The following JMY variants were observed in gnomAD, a reference collection of about 807,000 sequenced individuals.
The protein encoded by JMY is junction mediating and regulatory protein, p53 cofactor.
Under a neutral mutation model 103.3 loss-of-function variants are expected in JMY, and 46 were observed. The observed-to-expected ratio is 0.45, with a 90% CI of 0.35 to 0.57. JMY has a LOEUF of 0.57. Among genes scored for constraint, JMY ranks in the 20% least tolerant of loss-of-function variants. JMY has a pLI of 0.00. For synonymous variants in JMY, 526 were observed against 489.3 expected (o/e 1.07, Z -0.99); for missense variants, 1,238 against 1,255.2 (o/e 0.99, Z 0.21).
intron 1 of JMY, among the ~76,000 whole-genome samples, chr5:79,243,818 A>G (rs1183340562): frequency 2.0e-5 from 3 of 152,150 alleles, no homozygotes; most frequent in African/African-American, 7.2e-5. Flanking sequence ...GCATCACTGA[A>G]AAAGATGTAA....
At chr5:79,308,691 G>GT (rs1213413582) in intron 7 of JMY, among the ~76,000 whole-genome samples, 4 of 151,454 alleles carry the variant, frequency 2.6e-5, no homozygotes, top group African/African-American at 4.8e-5. Flanking sequence ...TATCTTTTTT[G>GT]TTTTTTTCAT....
intron 1 of JMY, among the ~76,000 whole-genome samples, chr5:79,251,680 A>G (rs1477185399): frequency 1.4e-5 from 2 of 142,562 alleles, no homozygotes; most frequent in Non-Finnish European, 3.0e-5. Context: ...CTTCCTTCCT[A>G]CCCTTCCCAC....
intron 1 of JMY, among the ~76,000 whole-genome samples, chr5:79,244,527 C>T (rs1248112918): frequency 1.3e-5 from 2 of 152,128 alleles, no homozygotes; most frequent in Non-Finnish European, 2.9e-5. Flanking sequence ...TAATTTTAAT[C>T]GATCTGTTAA....
At chr5:79,318,947 G>C (rs1482594597) in intron 10 of JMY, among the ~76,000 whole-genome samples, 1 of 152,114 alleles carries the variant, frequency 6.6e-6, no homozygotes, top group Non-Finnish European at 1.5e-5. Context: ...TTCTCAGGAA[G>C]CTGCTTAAGC....
rs150941604 is a variant in JMY, at chr5:79,282,673, G to T, written c.1206+4590G>T. On this transcript the variant is annotated intron_variant, in intron 2 of 10. Transcript: ENST00000396137. The stretch of plus-strand genomic sequence containing the variant: ...TCCTGATGAAGAGATGTACAAAGAG[G>T]AATGGTTTAGTGCTTATACTTAGTG... 3.5e-4 allele frequency among the ~76,000 whole-genome samples: 54 copies of T among 152,246 alleles called. No homozygotes were observed. The East Asian group carries it at 9.7e-3, about 27-fold the overall frequency.
rs1747143170 is a variant in JMY, at chr5:79,314,458, G to T, written c.2266G>T (p.Val756Leu). Residue 756 changes from valine (V) to leucine (L), a missense_variant, in exon 9 of 11, where the codon GTG becomes TTG. Transcript: ENST00000396137. ...PSQTTEPQSLVQLEDTSLTQL... is the reference protein window; with the variant it reads ...PSQTTEPQSLLQLEDTSLTQL... Reference sequence around the variant, plus strand: ...ACAGACAACAGAACCCCAGAGCCTTGTGCAACTTGAAGATACTTCATTAAC... The same window carrying T: ...ACAGACAACAGAACCCCAGAGCCTTTTGCAACTTGAAGATACTTCATTAAC... 6.2e-7 allele frequency: 1 copy of T among 1,614,006 alleles called. No individual in the cohort carries two copies. Among genetic ancestry groups the T allele is most frequent in the Non-Finnish European group, 8.5e-7 (1 of 1,180,012 alleles).
intron 1 of JMY, among the ~76,000 whole-genome samples, chr5:79,238,914 C>A (rs954014545): frequency 6.6e-6 from 1 of 152,134 alleles, no homozygotes; most frequent in Non-Finnish European, 1.5e-5. Flanking sequence ...CCGCCCGCCT[C>A]GGCCTCCCAA....
At chr5:79,295,174 A>T (rs1746532317) in intron 4 of JMY, among the ~76,000 whole-genome samples, 1 of 152,220 alleles carries the variant, frequency 6.6e-6, no homozygotes, top group Admixed American at 6.5e-5. Context: ...AACGCCCTGT[A>T]ATCATGGAAA....
chr5:79,250,831 AAT>A (rs1360936967), intron 1 of JMY, among the ~76,000 whole-genome samples: 1 of 151,654 alleles, frequency 6.6e-6, no homozygotes, highest in Non-Finnish European at 1.5e-5. Context: ...GTTGTATTTT[AAT>A]ATCTTTCATT....
chr5:79,308,543 T>C (rs1746955215), intron 7 of JMY, among the ~76,000 whole-genome samples: 1 of 152,176 alleles, frequency 6.6e-6, no homozygotes, highest in African/African-American at 2.4e-5. Flanking sequence ...TTTTTGGGTG[T>C]CCTATTTTGT....
chr5:79,248,400 A>T (rs1298453131), intron 1 of JMY, among the ~76,000 whole-genome samples: 1 of 151,744 alleles, frequency 6.6e-6, no homozygotes, highest in Admixed American at 6.6e-5. Flanking sequence ...TCTGCCTCCC[A>T]GGTGCAAGCA....
At chr5:79,316,775 G>A (rs1442097977) in intron 10 of JMY, among the ~76,000 whole-genome samples, 2 of 151,652 alleles carry the variant, frequency 1.3e-5, no homozygotes, top group Non-Finnish European at 2.9e-5. Flanking sequence ...GCGTGGTGGC[G>A]GGCATCTGTA....
At chr5:79,297,549 A>C (rs952079112) in intron 4 of JMY, among the ~76,000 whole-genome samples, 1 of 152,130 alleles carries the variant, frequency 6.6e-6, no homozygotes, top group African/African-American at 2.4e-5. Flanking sequence ...TATACTAAGG[A>C]TTTTGCCTCC....
chr5:79,301,874 G>A (rs1746743592), intron 6 of JMY, among the ~76,000 whole-genome samples: 2 of 152,012 alleles, frequency 1.3e-5, no homozygotes, highest in African/African-American at 4.8e-5. Context: ...ATCACCTGAG[G>A]TCAGGAGTTC....
chr5:79,288,074 T>C lies in JMY; in HGVS notation c.1207-2047T>C, dbSNP rs372170531. Among the ~76,000 whole-genome samples, 20 of 152,330 alleles carry C rather than the reference T, an allele frequency of 1.3e-4. 1 individual carries two copies. Among genetic ancestry groups the C allele is most frequent in the Admixed American group, 5.9e-4 (9 of 15,302 alleles). On this transcript the variant is annotated intron_variant, in intron 2 of 10. Coordinates refer to ENST00000396137, the MANE Select transcript of JMY (RefSeq NM_152405.5). ...ATAGCAAACAACTCCACCAGAATCC[T>C]TAAATCTAAGATGAAGTCTAAATAT...
rs1277156722 is a variant in JMY, at chr5:79,322,977, G to A, written c.*1375G>A. On this transcript the variant is annotated 3_prime_UTR_variant, in exon 11 of 11. Coordinates refer to ENST00000396137, the MANE Select transcript of JMY (RefSeq NM_152405.5). ...GAATTGGTATTCCTAGAGAAAAAAA[G>A]AAATGCTCACACCTTTGTTATTTTA... is the stretch of plus-strand genomic sequence containing the variant. 1.3e-5 allele frequency: 2 copies of A among 152,154 alleles called. No individual in the cohort carries two copies. Among genetic ancestry groups the A allele is most frequent in the African/African-American group, 4.8e-5 (2 of 41,436 alleles). 9.4% of individuals were successfully genotyped at this position (152,154 alleles called of 1,614,324 possible).
At chr5:79,281,701 G>T (rs1746121533) in intron 2 of JMY, among the ~76,000 whole-genome samples, 1 of 152,104 alleles carries the variant, frequency 6.6e-6, no homozygotes, top group Non-Finnish European at 1.5e-5. Flanking sequence ...CTTAAAAGGG[G>T]CACGAAGAAT....
intron 1 of JMY, among the ~76,000 whole-genome samples, chr5:79,274,242 T>A (rs565963291): frequency 6.6e-6 from 1 of 152,320 alleles, no homozygotes; most frequent in South Asian, 2.1e-4. Context: ...AGAATTAGTT[T>A]CTATTTTTTG....
chr5:79,245,934 G>A (rs1436681974), intron 1 of JMY, among the ~76,000 whole-genome samples: 2 of 152,074 alleles, frequency 1.3e-5, no homozygotes, highest in African/African-American at 4.8e-5. Context: ...CTGTATTCAG[G>A]TTTCCATCTC....
Sources: gnomAD v4.1 joint callset for allele counts (sites outside exome capture counted in the v4.1 genomes callset) on GRCh38, gnomAD v4.1.1 for gene constraint, MANE v1.5 for transcripts, NCBI Gene and HGNC (gene_info 2026-07-23, HGNC 2026-07-21) for gene names.